BRIP1: variants seen among roughly 807,000 people sequenced by gnomAD.
BRIP1 encodes BRCA1 interacting DNA helicase 1, also known as Fanconi anemia group J protein.
Under a neutral mutation model 119.7 loss-of-function variants are expected in BRIP1, and 88 were observed. That is an observed-to-expected ratio of 0.74 (90% CI 0.62 to 0.88). The LOEUF (loss-of-function observed/expected upper bound fraction) is 0.88, where lower values mean the gene tolerates loss of function less well. BRIP1 is among the 40% of genes least tolerant of loss of function. BRIP1 has a pLI of 0.00. For synonymous variants in BRIP1, 443 were observed against 496.5 expected (o/e 0.89, Z 1.43); for missense variants, 1,259 against 1,455.4 (o/e 0.87, Z 2.20).
intron 4 of BRIP1, among the ~76,000 whole-genome samples, 154 bp from the exon 5 acceptor site, chr17:61,849,410 C>G (rs1275441809): frequency 1.3e-5 from 2 of 152,148 alleles, no homozygotes; most frequent in Non-Finnish European, 2.9e-5. Context: ...AAGTACTTCT[C>G]TACCATTCAG....
Position 61,754,413 on chromosome 17 carries a change from C to T in BRIP1, c.2098-9822G>A, listed in dbSNP as rs770687814. On this transcript the variant is annotated intron_variant, in intron 14 of 19. Transcript: ENST00000259008. This position sits in a 1 kb window ranked among gnomAD's most constrained non-coding sequence, Gnocchi z 4.1. ...ACTCACTGTCACCTTCTCAGATAGG[C>T]CTTCCCAAACCATCCAATTAAATTC... Among the ~76,000 whole-genome samples, 5 of 152,054 alleles carry T rather than the reference C, an allele frequency of 3.3e-5. No homozygotes were observed. Among genetic ancestry groups the T allele is most frequent in the Non-Finnish European group, 5.9e-5 (4 of 68,004 alleles).
chr17:61,682,992 C>T lies in BRIP1; in HGVS notation c.*304G>A, dbSNP rs1211808230. On this transcript the variant is annotated 3_prime_UTR_variant, in exon 20 of 20. Transcript: ENST00000259008. The surrounding 1 kb of genome is among the most constrained non-coding windows in gnomAD (Gnocchi z 4.9). ...ACTAAAAATACAAAAACTAGCTGGGCATGGTGGTGCACACCTGTAGTCCCA... is the reference window on the plus strand; with the variant it reads ...ACTAAAAATACAAAAACTAGCTGGGTATGGTGGTGCACACCTGTAGTCCCA... 3 of 317,108 alleles carry T rather than the reference C, an allele frequency of 9.5e-6. No homozygotes were observed. The highest frequency in any genetic ancestry group is 6.5e-5 in the African/African-American group (3 of 45,930). The allele number at this position is 317,108 out of a possible 1,614,324, so 19.6% of individuals were successfully genotyped here.
intron 6 of BRIP1, among the ~76,000 whole-genome samples, chr17:61,839,451 T>C (rs531233248): frequency 1.4e-4 from 21 of 152,268 alleles, no homozygotes; most frequent in African/African-American, 5.1e-4. Flanking sequence ...TTATACGTCA[T>C]GTTTTTCATC....
At chr17:61,692,231 T>A (rs1429194733) in intron 18 of BRIP1, among the ~76,000 whole-genome samples, 7 of 152,218 alleles carry the variant, frequency 4.6e-5, no homozygotes, top group African/African-American at 1.7e-4. Context: ...TTATAAATTA[T>A]CCAGTCTTGG....
chr17:61,746,543 C>A lies in BRIP1; in HGVS notation c.2098-1952G>T. ...CCAAAAGACAGCAGAGGTGGCAATT[C>A]TAAGATACTAAATAGATTCTAAGTC... On this transcript the variant is annotated intron_variant, in intron 14 of 19. Transcript: ENST00000259008. The surrounding 1 kb of genome is among the most constrained non-coding windows in gnomAD (Gnocchi z 4.9). Among the ~76,000 whole-genome samples the A allele has an allele frequency of 6.6e-6, 1 of 151,490 alleles. No individual in the cohort carries two copies.
chr17:61,710,434 C>G lies in BRIP1; in HGVS notation c.2492+5517G>C, dbSNP rs543695597. The stretch of plus-strand genomic sequence containing the variant: ...ATACAATGAGATATGTGCTATAATA[C>G]AGATAGCAACCAAAATGCTATAGGT... On this transcript the variant is annotated intron_variant, in intron 17 of 19. Transcript: ENST00000259008. This position sits in a 1 kb window ranked among gnomAD's most constrained non-coding sequence, Gnocchi z 5.4. Among the ~76,000 whole-genome samples the G allele has an allele frequency of 6.6e-6, 1 of 152,258 alleles. No individual in the cohort carries two copies. The highest frequency in any genetic ancestry group is 6.5e-5 in the Admixed American group (1 of 15,288).
rs1389671312 is a variant in BRIP1 at position 61,861,362 on chromosome 17, A to C, written c.93+85T>G. Reference sequence around the variant, plus strand: ...AAAATATTCTCCATTTACTGAGAATATGAATGCAGTCAAATACTCAATGTA... The same window carrying C: ...AAAATATTCTCCATTTACTGAGAATCTGAATGCAGTCAAATACTCAATGTA... On this transcript the variant is annotated intron_variant, in intron 2 of 19. Coordinates refer to ENST00000259008, the MANE Select transcript of BRIP1 (RefSeq NM_032043.3). This position sits in a 1 kb window ranked among gnomAD's most constrained non-coding sequence, Gnocchi z 4.5. The C allele has an allele frequency of 4.5e-6, 4 of 890,374 alleles. No homozygotes were observed. The highest frequency in any genetic ancestry group is 7.4e-6 in the Non-Finnish European group (4 of 537,864). 55.2% of individuals were successfully genotyped at this position (890,374 alleles called of 1,614,324 possible).
At chr17:61,698,959 T>C (rs1326307568) in intron 17 of BRIP1, among the ~76,000 whole-genome samples, 1 of 152,140 alleles carries the variant, frequency 6.6e-6, no homozygotes, top group African/African-American at 2.4e-5. Flanking sequence ...TCAAGCGATC[T>C]GCCCACCTCA....
In BRIP1 at chr17:61,682,693, G is replaced by A. The variant is rs368711371; in HGVS notation, c.*603C>T. ...CTGCTGTTAATTTTTATGTATCAGT[G>A]TGAAAACAAATGGATGAAGAGAACC... is the stretch of plus-strand genomic sequence containing the variant. On this transcript the variant is annotated 3_prime_UTR_variant, in exon 20 of 20. Transcript: ENST00000259008. This position sits in a 1 kb window ranked among gnomAD's most constrained non-coding sequence, Gnocchi z 4.9. 8 of 196,032 alleles carry A rather than the reference G, an allele frequency of 4.1e-5. No individual in the cohort carries two copies. The South Asian group carries it at 7.7e-4, about 19-fold the overall frequency. 12.1% of individuals were successfully genotyped at this position (196,032 alleles called of 1,614,324 possible).
rs546652914 is a variant in BRIP1, at chr17:61,837,570, T to C, written c.627+9531A>G. Among the ~76,000 whole-genome samples, 42 of 152,162 alleles carry C rather than the reference T, an allele frequency of 2.8e-4. No individual in the cohort carries two copies. In the South Asian group the frequency reaches 8.5e-3, roughly 31 times the overall value. On this transcript the variant is annotated intron_variant, in intron 6 of 19. Coordinates refer to ENST00000259008, the MANE Select transcript of BRIP1 (RefSeq NM_032043.3). Reference sequence around the variant, plus strand: ...AATAAATAAAAAGCAGGTATAAGCATAAGAATATATCTGAAGACAACCCTG... The same window carrying C: ...AATAAATAAAAAGCAGGTATAAGCACAAGAATATATCTGAAGACAACCCTG...
rs1365964666 is a variant in BRIP1, at chr17:61,804,760, TTATAAAA to T, written c.919-3293_919-3287del. ...TATTTTTGTCTAATAATTATTAAAA[TTATAAAA>T]TATAAAAATAATTAGTCTAACAAGG... is the stretch of plus-strand genomic sequence containing the variant. On this transcript the variant is annotated intron_variant, in intron 7 of 19. Transcript: ENST00000259008. This position sits in a 1 kb window ranked among gnomAD's most constrained non-coding sequence, Gnocchi z 4.5. Among the ~76,000 whole-genome samples the T allele has an allele frequency of 6.6e-6, 1 of 151,732 alleles. No individual in the cohort carries two copies. The highest frequency in any genetic ancestry group is 2.4e-5 in the African/African-American group (1 of 41,368).
chr17:61,697,896 C>G (rs958996253), intron 17 of BRIP1, among the ~76,000 whole-genome samples: 1 of 152,098 alleles, frequency 6.6e-6, no homozygotes, highest in Non-Finnish European at 1.5e-5. Flanking sequence ...ACCTCCGCCC[C>G]CTGGGCTCAA....
intron 17 of BRIP1, among the ~76,000 whole-genome samples, chr17:61,698,569 C>T (rs1166566332): frequency 2.0e-5 from 3 of 152,036 alleles, no homozygotes; most frequent in Non-Finnish European, 4.4e-5. Context: ...AGTTGTTCTA[C>T]CCATTATTGA....
intron 10 of BRIP1, among the ~76,000 whole-genome samples, chr17:61,786,944 A>T (rs1455525865): frequency 2.7e-5 from 3 of 111,426 alleles, no homozygotes; most frequent in Admixed American, 1.2e-4. Context: ...TAATATATTT[A>T]TATATAATAT....
At position 61,743,812 on chromosome 17, in the gene BRIP1, T is replaced by G. The variant is rs2378901; in HGVS notation, c.2257+620A>C. 6.6e-6 allele frequency among the ~76,000 whole-genome samples: 1 copy of G among 152,220 alleles called. No homozygotes were observed. The highest frequency in any genetic ancestry group is 1.9e-4 in the East Asian group (1 of 5,162). ...AGGTAATCCTCCCACCTCGGCCTCC[T>G]AAGTAGTTGGAACTATAGGCACATG... On this transcript the variant is annotated intron_variant, in intron 15 of 19. Transcript: ENST00000259008. The surrounding 1 kb of genome is among the most constrained non-coding windows in gnomAD (Gnocchi z 4.3).
In BRIP1 at chr17:61,725,238, A is replaced by C. The variant is rs1235381796; in HGVS notation, c.2380-9175T>G. Among the ~76,000 whole-genome samples the C allele has an allele frequency of 1.3e-5, 2 of 152,150 alleles. No individual in the cohort carries two copies. Among genetic ancestry groups the C allele is most frequent in the African/African-American group, 4.8e-5 (2 of 41,434 alleles). ...TTTTAAATAAGAATAATAATGATAA[A>C]AGCACATTAGAAATGGTTTTTAGTT... is the stretch of plus-strand genomic sequence containing the variant. On this transcript the variant is annotated intron_variant, in intron 16 of 19. Coordinates refer to ENST00000259008, the MANE Select transcript of BRIP1 (RefSeq NM_032043.3). The surrounding 1 kb of genome is among the most constrained non-coding windows in gnomAD (Gnocchi z 5.3).
Position 61,861,091 on chromosome 17 carries a change from T to A in BRIP1, c.93+356A>T, listed in dbSNP as rs2078966685. On this transcript the variant is annotated intron_variant, in intron 2 of 19. Transcript: ENST00000259008. This position sits in a 1 kb window ranked among gnomAD's most constrained non-coding sequence, Gnocchi z 4.5. ...AAACTGGAAAGCTGGTTTACTCAAA[T>A]TTGTATATTAATTTTCTACATGATC... Among the ~76,000 whole-genome samples the A allele has an allele frequency of 6.6e-6, 1 of 152,188 alleles. No individual in the cohort carries two copies. The highest frequency in any genetic ancestry group is 6.5e-5 in the Admixed American group (1 of 15,280).
chr17:61,844,654 C>T lies in BRIP1; in HGVS notation c.627+2447G>A, dbSNP rs1222725249. Among the ~76,000 whole-genome samples, 4 of 152,206 alleles carry T rather than the reference C, an allele frequency of 2.6e-5. No homozygotes were observed. Among genetic ancestry groups the T allele is most frequent in the Non-Finnish European group, 4.4e-5 (3 of 68,024 alleles). On this transcript the variant is annotated intron_variant, in intron 6 of 19. Coordinates refer to ENST00000259008, the MANE Select transcript of BRIP1 (RefSeq NM_032043.3). This position sits in a 1 kb window ranked among gnomAD's most constrained non-coding sequence, Gnocchi z 4.7. Reference sequence around the variant, plus strand: ...AATCTTAATCACAGGTGACTCTATACTTGATTTGTTTATCTGTGAGCTTCT... The same window carrying T: ...AATCTTAATCACAGGTGACTCTATATTTGATTTGTTTATCTGTGAGCTTCT...
At position 61,708,122 on chromosome 17, in the gene BRIP1, A is replaced by G. The variant is rs953086051; in HGVS notation, c.2492+7829T>C. ...GAGGATTAAGGAAAAAACAAAAAAT[A>G]TGTGACAGAGACTGTATGTAGCCTG... On this transcript the variant is annotated intron_variant, in intron 17 of 19. Transcript: ENST00000259008. The surrounding 1 kb of genome is among the most constrained non-coding windows in gnomAD (Gnocchi z 4.4). Among the ~76,000 whole-genome samples, 2 of 152,206 alleles carry G rather than the reference A, an allele frequency of 1.3e-5. No homozygotes were observed. The highest frequency in any genetic ancestry group is 6.5e-5 in the Admixed American group (1 of 15,278).
Sources: allele counts gnomAD v4.1 joint callset (sites outside exome capture counted in the v4.1 genomes callset), GRCh38; gene constraint gnomAD v4.1.1; non-coding constraint Gnocchi (gnomAD v3.1); transcripts MANE v1.5; gene names NCBI Gene and HGNC (gene_info 2026-07-23, HGNC 2026-07-21).